PCGF3: variants seen among roughly 807,000 people sequenced by gnomAD.
PCGF3 encodes the protein polycomb group ring finger 3, also known as polycomb group RING finger protein 3.
PCGF3 carries 7 observed loss-of-function variants against 33.1 expected under a neutral mutation model. That is an observed-to-expected ratio of 0.21 (90% CI 0.12 to 0.40). PCGF3 has a LOEUF of 0.40. Among genes scored for constraint, PCGF3 ranks in the 10% least tolerant of loss-of-function variants. PCGF3 has a pLI of 1.00. For missense variants in PCGF3, 211 were observed against 313.3 expected, an observed-to-expected ratio of 0.67 and a Z score of 2.46; for synonymous variants, 153 against 121.3, an observed-to-expected ratio of 1.26 and a Z score of -1.72.
At chr4:762,202 T>C in intron 9 of PCGF3, 1 of 591,630 alleles carries the variant, frequency 1.7e-6, no homozygotes, top group Non-Finnish European at 2.1e-6. Flanking sequence ...TATAATTAAA[T>C]AAAGGATTTT....
chr4:736,452 G>T (rs544208998), intron 5 of PCGF3, among the ~76,000 whole-genome samples: 1 of 152,202 alleles, frequency 6.6e-6, no homozygotes, highest in Non-Finnish European at 1.5e-5. Flanking sequence ...TGGTGGGAGG[G>T]GCAGGGACAG....
rs1286353234 is a variant in PCGF3 at position 711,618 on chromosome 4, C to T, written c.-190+5648C>T. ...GACTACAGGCGCCCGCCACCGCGCC[C>T]GGCTAATTTTTTGTATTTTTAGTAG... On this transcript the variant is annotated intron_variant, in intron 1 of 10. Coordinates refer to ENST00000362003, the Ensembl canonical transcript of PCGF3. 5.5e-4 allele frequency among the ~76,000 whole-genome samples: 82 copies of T among 148,804 alleles called. No homozygotes were observed. In the East Asian group the frequency reaches 9.6e-3, roughly 17 times the overall value.
exon 11 of PCGF3, chr4:769,865 G>GT (rs1745550123): frequency 6.5e-6 from 1 of 152,684 alleles, no homozygotes; most frequent in African/African-American, 2.4e-5. Flanking sequence ...CAGTCGAGGT[G>GT]TGGAGGTGAT....
chr4:734,483 T>A, intron 4 of PCGF3: 1 of 1,246,746 alleles, frequency 8.0e-7, no homozygotes, highest in Non-Finnish European at 1.0e-6. Context: ...GATAGAATTT[T>A]GACTTTAACG....
intron 1 of PCGF3, among the ~76,000 whole-genome samples, chr4:709,149 C>T (rs971267107): frequency 6.6e-6 from 1 of 152,152 alleles, no homozygotes; most frequent in Non-Finnish European, 1.5e-5. Flanking sequence ...GAACCCTGCT[C>T]CCAGAGGGTG....
At position 766,014 on chromosome 4, in the gene PCGF3, C is replaced by T. The variant is rs377117789; in HGVS notation, c.682-18C>T. ...CCACCCCTGCTAAGCAGGCACTGTG[C>T]GTTCTTGTGTCTTCCAGAAGGCGCC... is the stretch of plus-strand genomic sequence containing the variant. On this transcript the variant is annotated intron_variant, in intron 10 of 10. Transcript: ENST00000362003. 383 of 1,612,912 alleles carry T rather than the reference C, an allele frequency of 2.4e-4. 2 individuals carry two copies. The highest frequency in any genetic ancestry group is 2.1e-3 in the South Asian group (194 of 91,058).
exon 8 of PCGF3, chr4:744,651 CGGA>C (rs1560210252): frequency 1.9e-6 from 3 of 1,561,090 alleles, no homozygotes; most frequent in East Asian, 2.4e-5. Flanking sequence ...GAGGAGAAGC[CGGA>C]GGAGGACAAC....
At chr4:717,995 C>T (rs778945891) in intron 1 of PCGF3, among the ~76,000 whole-genome samples, 13 of 151,938 alleles carry the variant, frequency 8.6e-5, no homozygotes, top group Non-Finnish European at 1.8e-4. Flanking sequence ...GTGGCAGAGG[C>T]GAGGGTGCTG....
chr4:744,351 C>T (rs902092469), intron 7 of PCGF3, among the ~76,000 whole-genome samples: 3 of 152,246 alleles, frequency 2.0e-5, no homozygotes, highest in East Asian at 3.9e-4. Flanking sequence ...ACGCCGGCTC[C>T]GGCTGCCCCG....
chr4:766,648 A>G (rs1425549845), exon 11 of PCGF3: 1 of 151,938 alleles, frequency 6.6e-6, no homozygotes, highest in African/African-American at 2.4e-5. Flanking sequence ...ATTGTATTTA[A>G]TTTCCCACCT....
chr4:726,337 C>T (rs946628237), intron 1 of PCGF3, among the ~76,000 whole-genome samples: 3 of 152,264 alleles, frequency 2.0e-5, no homozygotes, highest in Admixed American at 6.5e-5. Context: ...CGGCCCCAGG[C>T]CTCCCTCCAA....
At chr4:736,781 G>T (rs61600248) in intron 5 of PCGF3, among the ~76,000 whole-genome samples, 1 of 147,990 alleles carries the variant, frequency 6.8e-6, no homozygotes, top group Non-Finnish European at 1.5e-5. Context: ...TCCCCTGAGC[G>T]CACGGGACGC....
intron 1 of PCGF3, among the ~76,000 whole-genome samples, chr4:709,737 A>G (rs1032849010): frequency 1.3e-5 from 2 of 152,224 alleles, no homozygotes; most frequent in Non-Finnish European, 2.9e-5. Context: ...CATCTTTGCC[A>G]CAGCTTCACT....
rs1041465923 is a variant in PCGF3, at chr4:737,614, C to T, written c.262+93C>T. ...GAAGTTTGGTTCTCGGATGGGAGGC[C>T]CCTTTCCTTTTGGCCGAATCACCGT... On this transcript the variant is annotated intron_variant, in intron 6 of 10. Transcript: ENST00000362003. The T allele has an allele frequency of 7.6e-6, 6 of 793,692 alleles. No individual in the cohort carries two copies. The African/African-American group carries it at 1.0e-4, about 14-fold the overall frequency. The allele number at this position is 793,692 out of a possible 1,614,324, so 49.2% of individuals were successfully genotyped here. A position where few individuals can be genotyped will look rare whatever the true frequency, so the allele number is the denominator to read the frequency against.
At chr4:743,839 G>C (rs1744200237) in intron 7 of PCGF3, 1 of 376,388 alleles carries the variant, frequency 2.7e-6, no homozygotes. Context: ...GCAGAGGTCA[G>C]GGTTCAGAAG....
chr4:762,592 A>C (rs1466216460), intron 9 of PCGF3: 1 of 152,320 alleles, frequency 6.6e-6, no homozygotes. Context: ...ATGAGGATGC[A>C]GCAGAAGGCC....
intron 1 of PCGF3, chr4:722,382 A>G: frequency 9.9e-6 from 2 of 201,478 alleles, no homozygotes; most frequent in South Asian, 1.3e-4. Context: ...CAGGAGCTGG[A>G]GGCTGCCCCA....
At chr4:731,253 TG>T (rs1743544288) in intron 3 of PCGF3, 143 bp downstream of exon 3, 2 of 398,322 alleles carry the variant, frequency 5.0e-6, no homozygotes. Context: ...CGAGTTTTCC[TG>T]GCCCCTCCTG....
chr4:725,475 G>A (rs1743285003), intron 1 of PCGF3, among the ~76,000 whole-genome samples: 2 of 152,254 alleles, frequency 1.3e-5, no homozygotes, highest in South Asian at 2.1e-4. Flanking sequence ...TGGCGGAGCC[G>A]TGTCCACGTG....
Sources: allele counts gnomAD v4.1 joint callset (sites outside exome capture counted in the v4.1 genomes callset), GRCh38; gene constraint gnomAD v4.1.1; transcripts MANE v1.5; gene names NCBI Gene and HGNC (gene_info 2026-07-23, HGNC 2026-07-21).